Variants in STAB2 observed in about 807,000 individuals in gnomAD.
The protein encoded by STAB2 is stabilin 2, also known as stabilin-2.
In STAB2, 288 loss-of-function variants were observed where a neutral mutation model predicts 338.1. That is an observed-to-expected ratio of 0.85 (90% CI 0.77 to 0.94). STAB2 has a LOEUF of 0.94. Among genes scored for constraint, STAB2 ranks in the 40% least tolerant of loss-of-function variants. The probability of loss-of-function intolerance (pLI) is 0.00; values close to 1 mark genes in which losing one functional copy is unlikely to be tolerated. For synonymous variants in STAB2, 1,202 were observed against 1,193.3 expected (o/e 1.01, Z -0.15); for missense variants, 3,141 against 3,210.1 (o/e 0.98, Z 0.52).
In STAB2 at chr12:103,654,586, G is replaced by T; in HGVS notation, c.1439G>T (p.Gly480Val). 1 of 1,614,012 alleles carries T rather than the reference G, an allele frequency of 6.2e-7. No homozygotes were observed. Among genetic ancestry groups the T allele is most frequent in the Non-Finnish European group, 8.5e-7 (1 of 1,179,966 alleles). Residue 480 changes from glycine (G) to valine (V), a missense_variant, in exon 13 of 69, where the codon GGC becomes GTC. Physicochemically the swap from Gly to Val is moderately radical, Grantham distance 109. Coordinates refer to ENST00000388887, the MANE Select transcript of STAB2 (RefSeq NM_017564.10). ...DNQIKLKLHG[G>V]KKKVKIIQGD... ...CAAATAAAGCTTAAACTCCATGGAG[G>T]CAAAAAGAAGGTAAAAATTATACAA...
intron 15 of STAB2, among the ~76,000 whole-genome samples, chr12:103,657,278 A>C (rs1225209970): frequency 6.6e-6 from 1 of 151,810 alleles, no homozygotes; most frequent in Non-Finnish European, 1.5e-5. Context: ...AATTATTAAA[A>C]TCCTGAGATT....
At chr12:103,737,884 A>C in intron 53 of STAB2, 104 bp downstream of exon 53, 1 of 1,452,368 alleles carries the variant, frequency 6.9e-7, no homozygotes, top group Non-Finnish European at 9.2e-7. Context: ...GCCTGTCCTC[A>C]GCAAGACTAG....
chr12:103,708,977 T>C (rs971329533), intron 39 of STAB2, among the ~76,000 whole-genome samples: 7 of 152,220 alleles, frequency 4.6e-5, no homozygotes, highest in Non-Finnish European at 1.0e-4. Flanking sequence ...CAAACACTGC[T>C]ACAATAACCA....
Position 103,655,595 on chromosome 12 carries a change from C to T in STAB2, c.1734+14C>T. ...CTTTCTCCAGAGGTACCGTATTCTG[C>T]TTGCTCTGATGGCATCGTGTCAGCA... On this transcript the variant is annotated intron_variant, in intron 15 of 68. Transcript: ENST00000388887. 11 of 1,613,174 alleles carry T rather than the reference C, an allele frequency of 6.8e-6. No individual in the cohort carries two copies. Among genetic ancestry groups the T allele is most frequent in the Non-Finnish European group, 8.5e-6 (10 of 1,179,618 alleles).
chr12:103,590,995 G>A lies in STAB2; in HGVS notation c.180G>A (p.Met60Ile). 1 of 1,614,078 alleles carries A rather than the reference G, an allele frequency of 6.2e-7. No individual in the cohort carries two copies. Among genetic ancestry groups the A allele is most frequent in the South Asian group, 1.1e-5 (1 of 91,056 alleles). The change falls in exon 2 of 69, where the codon ATG becomes ATA. Residue 60 changes from methionine (M) to isoleucine (I), a missense_variant. Coordinates refer to ENST00000388887, the MANE Select transcript of STAB2 (RefSeq NM_017564.10). ...LGVKCPDGYT[M>I]ITSGSVGVRD... ...TCAAGTGCCCGGATGGTTACACCAT[G>A]ATTACCAGTGGCTCTGTAGGGGTTC...
intron 9 of STAB2, among the ~76,000 whole-genome samples, chr12:103,645,697 T>C (rs1873277699): frequency 6.6e-6 from 1 of 152,242 alleles, no homozygotes; most frequent in Admixed American, 6.5e-5. Context: ...TATTTGATTG[T>C]ATTAAATTGT....
chr12:103,690,888 C>G (rs903083377), intron 30 of STAB2, among the ~76,000 whole-genome samples: 1 of 152,132 alleles, frequency 6.6e-6, no homozygotes, highest in African/African-American at 2.4e-5. Context: ...GTAATTGAAT[C>G]TGTATAGAGA....
chr12:103,633,980 A>C (rs1348359031), intron 6 of STAB2, among the ~76,000 whole-genome samples: 3 of 152,154 alleles, frequency 2.0e-5, no homozygotes, highest in Non-Finnish European at 4.4e-5. Context: ...AGAGGAGAGG[A>C]ATTAGACAAA....
At chr12:103,713,829 A>T in intron 42 of STAB2, 61 bp downstream of exon 42, 11 of 1,597,208 alleles carry the variant, frequency 6.9e-6, no homozygotes, top group Non-Finnish European at 9.4e-6. Flanking sequence ...CTATTAAATG[A>T]TTCCAACGTG....
chr12:103,638,360 G>C (rs542587919), intron 8 of STAB2, 148 bp downstream of exon 8: 1 of 859,316 alleles, frequency 1.2e-6, no homozygotes, highest in African/African-American at 1.7e-5. Flanking sequence ...CATGTGCTCA[G>C]AGCCTGAAAT....
chr12:103,757,926 C>G (rs1884255106), intron 63 of STAB2: 1 of 537,070 alleles, frequency 1.9e-6, no homozygotes, highest in Non-Finnish European at 3.3e-6. Context: ...AAGGGCTGCT[C>G]AAGCAGCCAC....
intron 3 of STAB2, among the ~76,000 whole-genome samples, chr12:103,616,947 T>A (rs181167090): frequency 2.2e-4 from 34 of 152,362 alleles, no homozygotes; most frequent in South Asian, 6.2e-4. Context: ...GGTCCCTGCT[T>A]GATTCAGCTC....
rs200367145 is a variant in STAB2 at position 103,724,983 on chromosome 12, C to A, written c.4692C>A (p.Gly1564=). 179 of 1,613,578 alleles carry A rather than the reference C, an allele frequency of 1.1e-4. 2 individuals are homozygous for A. In the South Asian group the frequency reaches 1.3e-3, roughly 12 times the overall value. Residue 1564 remains glycine, a synonymous_variant, in exon 45 of 69, where the codon GGC becomes GGA. Transcript: ENST00000388887. ...CTTGGCAATTTTACCAGAAAAATGG[C>A]GGCTGTAGTGAATTTGCCATCTGCA... ...TLINVCLTKN[G]GCSEFAICNH... is the part of the protein sequence containing the mutation.
intron 43 of STAB2, among the ~76,000 whole-genome samples, chr12:103,717,550 G>T (rs1042609639): frequency 5.3e-5 from 8 of 152,184 alleles, no homozygotes; most frequent in Non-Finnish European, 1.5e-5. Context: ...ACAAAGATAG[G>T]ATGTGCATGA....
At chr12:103,653,632 ATGGATGGATACATGGATAGGTCAC>A (rs1427274723) in intron 12 of STAB2, among the ~76,000 whole-genome samples, 10 of 149,688 alleles carry the variant, frequency 6.7e-5, no homozygotes, top group South Asian at 2.2e-4. Flanking sequence ...GGATGGATGG[ATGGATGGATACATGGATAGGTCAC>A]TGGATGGATG....
chr12:103,615,658 C>A (rs1299972406), intron 3 of STAB2, among the ~76,000 whole-genome samples: 1 of 152,136 alleles, frequency 6.6e-6, no homozygotes, highest in Non-Finnish European at 1.5e-5. Flanking sequence ...AATACCCAAG[C>A]CTGGGTAATT....
intron 6 of STAB2, among the ~76,000 whole-genome samples, chr12:103,635,795 C>T (rs890247107): frequency 1.8e-4 from 27 of 152,196 alleles, no homozygotes; most frequent in Non-Finnish European, 3.4e-4. Flanking sequence ...CTAACAGATT[C>T]CTTTGGCACC....
chr12:103,750,637 C>T lies in STAB2; in HGVS notation c.6497C>T (p.Pro2166Leu), dbSNP rs143368827. The T allele has an allele frequency of 4.6e-5, 74 of 1,614,108 alleles. No homozygotes were observed. Among genetic ancestry groups the T allele is most frequent in the Middle Eastern group, 3.3e-4 (2 of 6,084 alleles). Reference protein sequence around the residue: ...HYVGDGLNCEPEQLPIDRCLQ... With the variant: ...HYVGDGLNCELEQLPIDRCLQ... ...GTCGGAGATGGGCTGAACTGTGAGCCGGAGCAGCTGCCCATTGACCGCTGC... is the reference window on the plus strand; with the variant it reads ...GTCGGAGATGGGCTGAACTGTGAGCTGGAGCAGCTGCCCATTGACCGCTGC... The change falls in exon 60 of 69, where the codon CCG becomes CTG. Residue 2166 changes from proline (P) to leucine (L), a missense_variant. Transcript: ENST00000388887.
chr12:103,725,399 A>G (rs759154298), intron 45 of STAB2, among the ~76,000 whole-genome samples: 2 of 152,244 alleles, frequency 1.3e-5, no homozygotes, highest in Non-Finnish European at 2.9e-5. Context: ...ACCTCTCTGT[A>G]TATCAATTTT....
Sources: gnomAD v4.1 joint callset for allele counts (sites outside exome capture counted in the v4.1 genomes callset) on GRCh38, gnomAD v4.1.1 for gene constraint, MANE v1.5 for transcripts, NCBI Gene and HGNC (gene_info 2026-07-23, HGNC 2026-07-21) for gene names.